TULP4: variants seen among roughly 807,000 people sequenced by gnomAD.
TULP4 encodes the protein tubby-related protein 4.
Under a neutral mutation model 129.0 loss-of-function variants are expected in TULP4, and 16 were observed. The ratio of observed to expected loss-of-function variants is 0.12; its 90% CI spans 0.08 to 0.19. TULP4 has a LOEUF of 0.19. Ranked by LOEUF, TULP4 falls within the 10% of genes least tolerant of loss-of-function variation. TULP4 has a pLI of 1.00. For synonymous variants in TULP4, 998 were observed against 854.0 expected (o/e 1.17, Z -2.94); for missense variants, 1,842 against 2,059.1 (o/e 0.89, Z 2.04).
intron 1 of TULP4, among the ~76,000 whole-genome samples, chr6:158,276,709 T>G (rs1778651950): frequency 6.6e-6 from 1 of 152,054 alleles, no homozygotes; most frequent in Admixed American, 6.6e-5. Flanking sequence ...TTCAGAATAA[T>G]TGGGAAGTGG....
intron 1 of TULP4, among the ~76,000 whole-genome samples, chr6:158,328,872 G>A (rs974767243): frequency 9.9e-5 from 15 of 152,278 alleles, no homozygotes; most frequent in African/African-American, 2.9e-4. Flanking sequence ...CTTCAACAGC[G>A]AGGGTTTTAG....
intron 1 of TULP4, among the ~76,000 whole-genome samples, chr6:158,390,007 G>GTTGCAGTGAGCTGAGA (rs985834889): frequency 6.6e-6 from 1 of 151,484 alleles, no homozygotes; most frequent in Non-Finnish European, 1.5e-5. Context: ...GGAGGCGGAG[G>GTTGCAGTGAGCTGAGA]TTGCAGTGAG....
At chr6:158,443,896 C>T (rs1292327911) in intron 3 of TULP4, among the ~76,000 whole-genome samples, 2 of 152,002 alleles carry the variant, frequency 1.3e-5, no homozygotes, top group African/African-American at 4.8e-5. Flanking sequence ...ATCTGAAGGC[C>T]AGTATTCTGA....
chr6:158,421,177 C>T (rs184155825), intron 2 of TULP4, among the ~76,000 whole-genome samples: 16 of 152,028 alleles, frequency 1.1e-4, no homozygotes, highest in Admixed American at 9.8e-4. Flanking sequence ...CTGGCTAACA[C>T]GGTGAAACCC....
chr6:158,340,809 T>C (rs1780163061), intron 1 of TULP4, among the ~76,000 whole-genome samples: 1 of 152,206 alleles, frequency 6.6e-6, no homozygotes, highest in Non-Finnish European at 1.5e-5. Flanking sequence ...TTTTTAGGGA[T>C]GTGTGCACAT....
chr6:158,461,494 A>G lies in TULP4; in HGVS notation c.860-69A>G, dbSNP rs1779426148. On this transcript the variant is annotated intron_variant, in intron 5 of 13. Coordinates refer to ENST00000367097, the MANE Select transcript of TULP4 (RefSeq NM_020245.5). Reference sequence around the variant, plus strand: ...CTGTATTTTTTAAACTACTGAAGACAGTAGGCTTGCTGAGTGGCAGTTTGA... The same window carrying G: ...CTGTATTTTTTAAACTACTGAAGACGGTAGGCTTGCTGAGTGGCAGTTTGA... 4 of 1,485,600 alleles carry G rather than the reference A, an allele frequency of 2.7e-6. No homozygotes were observed. The East Asian group carries it at 6.8e-5, about 25-fold the overall frequency. 92.0% of individuals were successfully genotyped at this position (1,485,600 alleles called of 1,614,324 possible).
At chr6:158,243,686 C>T (rs565016438) in intron 1 of TULP4, among the ~76,000 whole-genome samples, 35 of 152,058 alleles carry the variant, frequency 2.3e-4, no homozygotes, top group African/African-American at 8.2e-4. Flanking sequence ...TCAAAAGAAT[C>T]CAATTTTATT....
intron 1 of TULP4, among the ~76,000 whole-genome samples, chr6:158,305,389 G>A (rs1370924574): frequency 2.7e-5 from 4 of 149,214 alleles, no homozygotes; most frequent in East Asian, 2.0e-4. Context: ...TTGTTTACCC[G>A]TTCATCCATC....
intron 6 of TULP4, among the ~76,000 whole-genome samples, chr6:158,471,288 C>T (rs1393196361): frequency 6.6e-6 from 1 of 152,174 alleles, no homozygotes. Flanking sequence ...CTTGCCATTC[C>T]GGATAATAAA....
At chr6:158,314,583 G>A (rs1489507827) in intron 1 of TULP4, among the ~76,000 whole-genome samples, 1 of 152,166 alleles carries the variant, frequency 6.6e-6, no homozygotes, top group African/African-American at 2.4e-5. Context: ...TCTAACCAGG[G>A]TGGGGGGTTA....
chr6:158,483,946 T>C (rs1358752502), intron 8 of TULP4, among the ~76,000 whole-genome samples: 1 of 149,972 alleles, frequency 6.7e-6, no homozygotes, highest in African/African-American at 2.5e-5. Flanking sequence ...TCAGACAGGG[T>C]CTCACGGTGT....
chr6:158,240,830 T>C (rs1777880853), intron 1 of TULP4, among the ~76,000 whole-genome samples: 1 of 148,542 alleles, frequency 6.7e-6, no homozygotes, highest in African/African-American at 2.5e-5. Flanking sequence ...ATGGCATGGC[T>C]GGCTGGGCGG....
intron 8 of TULP4, among the ~76,000 whole-genome samples, chr6:158,483,249 A>C (rs1328387578): frequency 6.6e-6 from 1 of 152,226 alleles, no homozygotes; most frequent in Non-Finnish European, 1.5e-5. Context: ...CAATATAACT[A>C]ATTGCACCTG....
chr6:158,258,615 G>A (rs1778291563), intron 1 of TULP4, among the ~76,000 whole-genome samples: 1 of 152,134 alleles, frequency 6.6e-6, no homozygotes. Context: ...TAACAAATAG[G>A]AAAGGACCTG....
chr6:158,262,685 C>CT (rs1445686318), intron 1 of TULP4, among the ~76,000 whole-genome samples: 2 of 152,130 alleles, frequency 1.3e-5, no homozygotes, highest in African/African-American at 4.8e-5. Flanking sequence ...TGGAAGAAGG[C>CT]TGGAGGGTGG....
chr6:158,507,549 G>A lies in TULP4; in HGVS notation c.*855G>A, dbSNP rs1780633981. The A allele has an allele frequency of 1.3e-5, 2 of 152,140 alleles. No individual in the cohort carries two copies. Among genetic ancestry groups the A allele is most frequent in the African/African-American group, 4.8e-5 (2 of 41,426 alleles). 9.4% of individuals were successfully genotyped at this position (152,140 alleles called of 1,614,324 possible). On this transcript the variant is annotated 3_prime_UTR_variant, in exon 14 of 14. Transcript: ENST00000367097. Reference sequence around the variant, plus strand: ...TGACTGGTTCTGGGAGAAGGTGAGAGACAAAAATGGAAAGATCCTGGCCTG... The same window carrying A: ...TGACTGGTTCTGGGAGAAGGTGAGAAACAAAAATGGAAAGATCCTGGCCTG...
At chr6:158,368,096 C>T (rs921872786) in intron 1 of TULP4, among the ~76,000 whole-genome samples, 3 of 123,070 alleles carry the variant, frequency 2.4e-5, no homozygotes, top group African/African-American at 8.2e-5. Context: ...AAAGGAGCTT[C>T]CTGAATCTGA....
chr6:158,461,258 G>A (rs1562576031), intron 5 of TULP4, among the ~76,000 whole-genome samples: 3 of 151,958 alleles, frequency 2.0e-5, no homozygotes, highest in Admixed American at 6.6e-5. Context: ...CTACAAATAC[G>A]AAATTAGCTG....
intron 3 of TULP4, among the ~76,000 whole-genome samples, chr6:158,444,083 G>A (rs1778970490): frequency 6.6e-6 from 1 of 151,828 alleles, no homozygotes; most frequent in South Asian, 2.1e-4. Context: ...AGCCTGGCGT[G>A]GTGGCGCAAG....
Sources: allele counts gnomAD v4.1 joint callset (sites outside exome capture counted in the v4.1 genomes callset), GRCh38; gene constraint gnomAD v4.1.1; transcripts MANE v1.5; gene names NCBI Gene and HGNC (gene_info 2026-07-23, HGNC 2026-07-21).